The following CDYL2 variants were observed in gnomAD, a reference collection of about 807,000 sequenced individuals.
CDYL2 encodes the protein chromodomain Y like 2.
Under a neutral mutation model 49.4 loss-of-function variants are expected in CDYL2, and 23 were observed. The observed-to-expected ratio is 0.47, with a 90% CI of 0.34 to 0.66. The LOEUF is 0.66. Among genes scored for constraint, CDYL2 ranks in the 30% least tolerant of loss-of-function variants. CDYL2 has a pLI of 0.01. For synonymous variants in CDYL2, 360 were observed against 268.8 expected, an observed-to-expected ratio of 1.34 and a Z score of -3.32; for missense variants, 678 against 656.4, an observed-to-expected ratio of 1.03 and a Z score of -0.36.
At chr16:80,639,924 C>G (rs1908007723) in intron 2 of CDYL2, among the ~76,000 whole-genome samples, 1 of 152,152 alleles carries the variant, frequency 6.6e-6, no homozygotes, top group Non-Finnish European at 1.5e-5. Context: ...TTAGACCAGC[C>G]CTAGCCAGAG....
At chr16:80,684,514 C>T in intron 2 of CDYL2, 24 bp downstream of exon 2, 1 of 1,596,892 alleles carries the variant, frequency 6.3e-7, no homozygotes, top group East Asian at 2.2e-5. Context: ...AGAGCCAAAC[C>T]CAAGAGAAAG....
chr16:80,756,267 T>C (rs972949301), intron 1 of CDYL2, among the ~76,000 whole-genome samples: 4 of 152,118 alleles, frequency 2.6e-5, no homozygotes, highest in Admixed American at 6.5e-5. Flanking sequence ...TCCAACTCAA[T>C]TCTCTGAAAA....
chr16:80,728,570 A>G (rs1204789636), intron 1 of CDYL2, among the ~76,000 whole-genome samples: 1 of 152,180 alleles, frequency 6.6e-6, no homozygotes, highest in Non-Finnish European at 1.5e-5. Context: ...AGGCAGGCCA[A>G]CATTCAGATT....
chr16:80,649,734 A>G (rs1347127816), intron 2 of CDYL2, among the ~76,000 whole-genome samples: 1 of 152,346 alleles, frequency 6.6e-6, no homozygotes, highest in East Asian at 1.9e-4. Flanking sequence ...AGCTACAGTA[A>G]CCAAAACAGC....
At chr16:80,619,143 C>T (rs1906963619) in intron 4 of CDYL2, among the ~76,000 whole-genome samples, 1 of 152,140 alleles carries the variant, frequency 6.6e-6, no homozygotes, top group South Asian at 2.1e-4. Flanking sequence ...CTTTCTGTCA[C>T]ATTACCTTCT....
chr16:80,630,559 C>T (rs373574447), intron 3 of CDYL2, among the ~76,000 whole-genome samples: 8 of 152,220 alleles, frequency 5.3e-5, no homozygotes, highest in South Asian at 4.1e-4. Flanking sequence ...GAGCTGCTTT[C>T]GGGGTGGACT....
intron 1 of CDYL2, among the ~76,000 whole-genome samples, chr16:80,761,536 T>C (rs1261545220): frequency 1.3e-5 from 2 of 152,108 alleles, no homozygotes; most frequent in Admixed American, 1.3e-4. Flanking sequence ...AAATGAGTGT[T>C]CCCTGGCTCC....
chr16:80,742,774 A>C (rs1905789819), intron 1 of CDYL2, among the ~76,000 whole-genome samples: 1 of 148,976 alleles, frequency 6.7e-6, no homozygotes, highest in Admixed American at 6.7e-5. Context: ...GGATTGATGG[A>C]TAGATGGGCA....
chr16:80,621,733 G>A (rs964507656), intron 3 of CDYL2, among the ~76,000 whole-genome samples: 1 of 152,316 alleles, frequency 6.6e-6, no homozygotes, highest in East Asian at 1.9e-4. Context: ...TGGAAGAACT[G>A]TGCTGGCCAC....
At chr16:80,637,388 G>A (rs192235419) in intron 2 of CDYL2, among the ~76,000 whole-genome samples, 2 of 152,230 alleles carry the variant, frequency 1.3e-5, no homozygotes, top group African/African-American at 4.8e-5. Flanking sequence ...ATCACACTGA[G>A]AGTCCTAGCG....
intron 1 of CDYL2, among the ~76,000 whole-genome samples, chr16:80,750,410 A>T (rs933677817): frequency 1.3e-5 from 2 of 151,824 alleles, no homozygotes; most frequent in African/African-American, 2.4e-5. Flanking sequence ...AAAAAAAAAA[A>T]ATCAGTTCTT....
At chr16:80,655,670 C>T (rs1248780100) in intron 2 of CDYL2, among the ~76,000 whole-genome samples, 1 of 152,156 alleles carries the variant, frequency 6.6e-6, no homozygotes, top group East Asian at 1.9e-4. Flanking sequence ...ACTGGGCTCG[C>T]CTCTCCGATA....
At chr16:80,804,089 GCCGCCGCCGC>G (rs913553229) in intron 1 of CDYL2, 51 bp downstream of exon 1, 81 of 899,610 alleles carry the variant, frequency 9.0e-5, no homozygotes, top group Middle Eastern at 1.1e-3. Flanking sequence ...CCCGCCGCCC[GCCGCCGCCGC>G]CCGCCGCCGC....
At chr16:80,608,371 G>A in intron 5 of CDYL2, 136 bp from the exon 6 acceptor site, 1 of 955,808 alleles carries the variant, frequency 1.0e-6, no homozygotes, top group Non-Finnish European at 1.5e-6. Context: ...CTTATTTTGG[G>A]GTCAGATAAG....
intron 1 of CDYL2, among the ~76,000 whole-genome samples, chr16:80,780,034 C>G (rs1332841816): frequency 6.6e-6 from 1 of 152,122 alleles, no homozygotes; most frequent in African/African-American, 2.4e-5. Context: ...ATGACTGTAT[C>G]TGATTGCAAA....
chr16:80,804,254 T>C lies in CDYL2; in HGVS notation c.-81A>G, dbSNP rs1002800109. The C allele has an allele frequency of 9.6e-6, 12 of 1,248,360 alleles. No homozygotes were observed. The highest frequency in any genetic ancestry group is 1.5e-5 in the South Asian group (1 of 66,416). 77.3% of individuals were successfully genotyped at this position (1,248,360 alleles called of 1,614,324 possible). ...GTGCGTGTGCGCGCGGGGTCCGGTGTGCGCGTGTGTGTGCGCGCGTGTGTG... is the reference window on the plus strand; with the variant it reads ...GTGCGTGTGCGCGCGGGGTCCGGTGCGCGCGTGTGTGTGCGCGCGTGTGTG... On this transcript the variant is annotated 5_prime_UTR_variant, in exon 1 of 7. Transcript: ENST00000570137.
intron 2 of CDYL2, among the ~76,000 whole-genome samples, chr16:80,683,930 G>A (rs575528128): frequency 1.3e-3 from 198 of 152,298 alleles, no homozygotes; most frequent in African/African-American, 4.5e-3. Context: ...CCCATTCTAA[G>A]GTGTTTTGTG....
chr16:80,661,019 G>C (rs1303479505), intron 2 of CDYL2, among the ~76,000 whole-genome samples: 3 of 152,152 alleles, frequency 2.0e-5, no homozygotes, highest in Non-Finnish European at 2.9e-5. Context: ...CAGAGCCTGA[G>C]ACAGACAAGG....
intron 1 of CDYL2, among the ~76,000 whole-genome samples, chr16:80,766,681 T>A (rs1201644806): frequency 1.3e-5 from 2 of 152,124 alleles, no homozygotes; most frequent in Admixed American, 1.3e-4. Flanking sequence ...CTAATAACGA[T>A]GGGACTGACT....
Sources: allele counts gnomAD v4.1 joint callset (sites outside exome capture counted in the v4.1 genomes callset), GRCh38; gene constraint gnomAD v4.1.1; transcripts MANE v1.5; gene names NCBI Gene and HGNC (gene_info 2026-07-23, HGNC 2026-07-21).